The following ACTR3C variants were observed in gnomAD, a reference collection of about 807,000 sequenced individuals.
ACTR3C encodes actin-related protein 3C.
A neutral mutation model predicts 26.3 loss-of-function variants in ACTR3C; 18 were observed. The observed-to-expected ratio is 0.68, with a 90% CI of 0.47 to 1.01. ACTR3C has a LOEUF of 1.01. ACTR3C is among the 50% of genes least tolerant of loss of function. The pLI is 0.00. For synonymous variants in ACTR3C, 55 were observed against 94.5 expected, an observed-to-expected ratio of 0.58 and a Z score of 2.42; for missense variants, 184 against 250.7, an observed-to-expected ratio of 0.73 and a Z score of 1.80.
chr7:150,016,165 G>A, the ACTR3C span, among the ~76,000 whole-genome samples: 27 of 152,014 alleles, frequency 1.8e-4, no homozygotes, highest in Admixed American at 9.8e-4. Flanking sequence ...TGGCTCATTC[G>A]GACTAACCAC....
downstream of ACTR3C, among the ~76,000 whole-genome samples, chr7:150,239,538 C>CTATATA (rs1421039729): frequency 1.8e-3 from 185 of 104,180 alleles, no homozygotes; most frequent in Admixed American, 3.6e-3. Context: ...CTCTCTCTCT[C>CTATATA]TCTATATATA....
the ACTR3C span, among the ~76,000 whole-genome samples, chr7:150,206,413 T>C: frequency 0.012 from 1,760 of 152,030 alleles, 41 homozygotes; most frequent in African/African-American, 0.04. Flanking sequence ...TTTTTTTTAT[T>C]TTATTATTAT....
intron 1 of ACTR3C, among the ~76,000 whole-genome samples, chr7:150,299,723 T>C (rs1209375215): frequency 6.6e-6 from 1 of 151,744 alleles, no homozygotes; most frequent in Non-Finnish European, 1.5e-5. Flanking sequence ...GAGGCAGAGG[T>C]TGCAGTGAGC....
At chr7:149,967,891 CG>C in the ACTR3C span, among the ~76,000 whole-genome samples, 2 of 150,842 alleles carry the variant, frequency 1.3e-5, no homozygotes, top group East Asian at 2.0e-4. Flanking sequence ...GGGGGTGTGT[CG>C]GGGGGTGGCG....
chr7:150,155,202 A>G, the ACTR3C span, among the ~76,000 whole-genome samples: 4 of 152,186 alleles, frequency 2.6e-5, no homozygotes, highest in Non-Finnish European at 5.9e-5. Flanking sequence ...AACAGAGATG[A>G]AGTCAAGGTG....
At chr7:150,180,245 C>T in the ACTR3C span, among the ~76,000 whole-genome samples, 3 of 149,820 alleles carry the variant, frequency 2.0e-5, no homozygotes, top group African/African-American at 7.6e-5. Flanking sequence ...GCGGAGCTTG[C>T]AGTGAGCCGA....
the ACTR3C span, among the ~76,000 whole-genome samples, chr7:150,174,149 G>C: frequency 7.2e-6 from 1 of 139,044 alleles, no homozygotes; most frequent in Non-Finnish European, 1.5e-5. Context: ...GTACTGGTAT[G>C]AATTTACTGC....
the ACTR3C span, among the ~76,000 whole-genome samples, chr7:150,174,326 A>C: frequency 1.4e-5 from 2 of 138,540 alleles, no homozygotes; most frequent in South Asian, 4.5e-4. Flanking sequence ...AGGAAGAAGC[A>C]AAAGCAGAAA....
At chr7:150,041,891 C>A in the ACTR3C span, among the ~76,000 whole-genome samples, 1 of 135,068 alleles carries the variant, frequency 7.4e-6, no homozygotes, top group Non-Finnish European at 1.6e-5. Flanking sequence ...CCCCCTCCTG[C>A]GATGGGGGTC....
chr7:150,030,833 A>G, the ACTR3C span, among the ~76,000 whole-genome samples: 3 of 152,096 alleles, frequency 2.0e-5, no homozygotes, highest in African/African-American at 4.8e-5. Context: ...TGACCGCTGC[A>G]TGCCCCTCAG....
the ACTR3C span, among the ~76,000 whole-genome samples, chr7:149,894,434 A>G: frequency 1.3e-5 from 2 of 152,230 alleles, no homozygotes; most frequent in African/African-American, 2.4e-5. Context: ...AAAGAAAACA[A>G]TCAACAGAGT....
the ACTR3C span, among the ~76,000 whole-genome samples, chr7:150,057,276 CTTTTTTTTTTTT>C: frequency 4.4e-5 from 5 of 113,972 alleles, no homozygotes; most frequent in East Asian, 7.8e-4. Context: ...GGAATAGGTC[CTTTTTTTTTTTT>C]TTTTTTTTTG....
At chr7:150,036,299 T>A in the ACTR3C span, among the ~76,000 whole-genome samples, 2 of 147,634 alleles carry the variant, frequency 1.4e-5, 1 homozygote, top group Non-Finnish European at 3.1e-5. Flanking sequence ...GGGCAGTTGC[T>A]GCCAAGGCCC....
the ACTR3C span, among the ~76,000 whole-genome samples, chr7:150,049,062 G>A: frequency 6.6e-6 from 1 of 152,030 alleles, no homozygotes; most frequent in African/African-American, 2.4e-5. Flanking sequence ...CGCCGAGAGC[G>A]AGGGAGGGCG....
At chr7:149,912,223 T>C in the ACTR3C span, among the ~76,000 whole-genome samples, 3,382 of 151,484 alleles carry the variant, frequency 0.022, 49 homozygotes, top group Non-Finnish European at 0.036. Flanking sequence ...CAAAGTTTTG[T>C]ACCCTGAAAT....
the ACTR3C span, among the ~76,000 whole-genome samples, chr7:150,075,900 G>A: frequency 6.6e-6 from 1 of 152,144 alleles, no homozygotes; most frequent in Non-Finnish European, 1.5e-5. Context: ...CTCATGGGGA[G>A]ACGAGCCCCT....
chr7:149,984,194 G>A, the ACTR3C span, among the ~76,000 whole-genome samples: 1 of 148,120 alleles, frequency 6.8e-6, no homozygotes, highest in Non-Finnish European at 1.5e-5. Context: ...TACCTACTGA[G>A]GGATTCCTTT....
intron 1 of ACTR3C, among the ~76,000 whole-genome samples, chr7:150,317,309 T>A (rs1333755184): frequency 2.0e-5 from 3 of 152,208 alleles, no homozygotes; most frequent in African/African-American, 7.2e-5. Flanking sequence ...CTTGGTGGCC[T>A]CCCAAAGTGC....
At chr7:149,981,482 T>C in the ACTR3C span, among the ~76,000 whole-genome samples, 1 of 149,882 alleles carries the variant, frequency 6.7e-6, no homozygotes, top group Non-Finnish European at 1.5e-5. Context: ...GAGGAGTCCT[T>C]TGACAAAATT....
Sources: gnomAD v4.1 joint callset for allele counts (sites outside exome capture counted in the v4.1 genomes callset) on GRCh38, gnomAD v4.1.1 for gene constraint, MANE v1.5 for transcripts, NCBI Gene and HGNC (gene_info 2026-07-23, HGNC 2026-07-21) for gene names.